The following NPR3 variants were observed in gnomAD, a reference collection of about 807,000 sequenced individuals.
NPR3 encodes natriuretic peptide receptor 3.
NPR3 carries 34 observed loss-of-function variants against 54.5 expected under a neutral mutation model. That is an observed-to-expected ratio of 0.62 (90% CI 0.47 to 0.83). The LOEUF is 0.83. Ranked by LOEUF, NPR3 falls within the 40% of genes least tolerant of loss-of-function variation. The pLI, the probability that NPR3 is intolerant of heterozygous loss-of-function variation, is 0.00. For missense variants in NPR3, 674 were observed against 720.8 expected (o/e 0.94, Z 0.74); for synonymous variants, 289 against 297.1 (o/e 0.97, Z 0.28).
At chr5:32,774,385 CAG>C (rs1377999981) in intron 3 of NPR3, among the ~76,000 whole-genome samples, 3 of 152,126 alleles carry the variant, frequency 2.0e-5, no homozygotes, top group Non-Finnish European at 4.4e-5. Flanking sequence ...GAGATAGAGG[CAG>C]ATGTGGGGAA....
intron 1 of NPR3, among the ~76,000 whole-genome samples, chr5:32,723,752 G>T (rs774425948): frequency 1.3e-5 from 2 of 152,030 alleles, no homozygotes; most frequent in East Asian, 1.9e-4. Context: ...ATAAAGAACT[G>T]GTCTGTAAAA....
chr5:32,695,690 G>T (rs1192909085), intron 1 of NPR3, among the ~76,000 whole-genome samples: 1 of 152,104 alleles, frequency 6.6e-6, no homozygotes, highest in African/African-American at 2.4e-5. Context: ...ATTTGTTATT[G>T]CCTGGCTTTT....
intron 3 of NPR3, among the ~76,000 whole-genome samples, chr5:32,739,403 A>G (rs529256512): frequency 3.3e-4 from 50 of 152,204 alleles, no homozygotes; most frequent in African/African-American, 1.1e-3. Context: ...GGGGTGCCAA[A>G]GATTTGCATG....
At chr5:32,699,793 T>A (rs1232989703) in intron 1 of NPR3, among the ~76,000 whole-genome samples, 3 of 152,220 alleles carry the variant, frequency 2.0e-5, no homozygotes, top group African/African-American at 7.2e-5. Flanking sequence ...AATAGGGAGT[T>A]TTGTACCTTC....
In NPR3 at chr5:32,739,002, A is replaced by C; in HGVS notation, c.1031A>C (p.Glu344Ala). 1 of 1,613,946 alleles carries C rather than the reference A, an allele frequency of 6.2e-7. No individual in the cohort carries two copies. Among genetic ancestry groups the C allele is most frequent in the Non-Finnish European group, 8.5e-7 (1 of 1,179,868 alleles). ...TCCATGGAGGTGAAAAGTTCAGTTGAGAAACAAGGGCTCAATATGGAGGAT... is the reference window on the plus strand; with the variant it reads ...TCCATGGAGGTGAAAAGTTCAGTTGCGAAACAAGGGCTCAATATGGAGGAT... ...KFSMEVKSSV[E>A]KQGLNMEDYV... The change falls in exon 3 of 8, where the codon GAG becomes GCG. Residue 344 changes from glutamate (E) to alanine (A), a missense_variant. By Grantham distance (107) the Glu-to-Ala change is moderately radical (BLOSUM62 -1). Transcript: ENST00000265074.
chr5:32,727,342 G>C (rs1001271870), intron 2 of NPR3, among the ~76,000 whole-genome samples: 8 of 152,124 alleles, frequency 5.3e-5, no homozygotes, highest in Non-Finnish European at 1.0e-4. Context: ...TGCCCAGGCT[G>C]GGCTCGAACT....
chr5:32,776,291 T>C (rs13436831), intron 4 of NPR3, among the ~76,000 whole-genome samples: 34,406 of 152,170 alleles, frequency 0.23, 4,000 homozygotes, highest in South Asian at 0.31. Flanking sequence ...TATGGCTGTA[T>C]AGGAATTTCT....
At chr5:32,716,516 T>C (rs1738559980) in intron 1 of NPR3, 4 of 442,478 alleles carry the variant, frequency 9.0e-6, no homozygotes, top group African/African-American at 2.0e-5. Flanking sequence ...TTTTTCTCAG[T>C]AGGCTGAGGC....
chr5:32,726,907 G>C (rs1446122496), intron 2 of NPR3, among the ~76,000 whole-genome samples: 1 of 151,960 alleles, frequency 6.6e-6, no homozygotes, highest in Non-Finnish European at 1.5e-5. Context: ...TACTATTTAT[G>C]GTATGGCTAC....
chr5:32,753,845 C>A (rs1331933743), intron 3 of NPR3, among the ~76,000 whole-genome samples: 1 of 152,108 alleles, frequency 6.6e-6, no homozygotes, highest in Non-Finnish European at 1.5e-5. Flanking sequence ...ATAAGAGAGC[C>A]CTGCTCATGA....
rs1268716759 is a variant in NPR3, at chr5:32,763,832, A to G, written c.1060-10876A>G. Among the ~76,000 whole-genome samples, 4 of 152,142 alleles carry G rather than the reference A, an allele frequency of 2.6e-5. No homozygotes were observed. The East Asian group carries it at 7.7e-4, about 29-fold the overall frequency. On this transcript the variant is annotated intron_variant, in intron 3 of 7. Coordinates refer to ENST00000265074, the MANE Select transcript of NPR3 (RefSeq NM_001204375.2). ...ATGTTATAAAGATTGTATTCAGAGT[A>G]TTTATTTGAAGTCTTAATTTTTGTT...
At chr5:32,729,088 G>T (rs1265409836) in intron 2 of NPR3, among the ~76,000 whole-genome samples, 5 of 137,790 alleles carry the variant, frequency 3.6e-5, no homozygotes, top group Non-Finnish European at 7.8e-5. Flanking sequence ...GGAGTGCAGT[G>T]GCGGGATCTC....
At chr5:32,704,963 GTT>G (rs1165533247), upstream of NPR3, among the ~76,000 whole-genome samples, 1 of 152,150 alleles carries the variant, frequency 6.6e-6, no homozygotes. Context: ...TCTTCAAAAA[GTT>G]TGTGGAATAT....
At chr5:32,732,173 G>A (rs1009483134) in intron 2 of NPR3, among the ~76,000 whole-genome samples, 2 of 148,744 alleles carry the variant, frequency 1.3e-5, no homozygotes, top group South Asian at 2.1e-4. Flanking sequence ...CCCGGGAAGC[G>A]GAGCTTGCAG....
upstream of NPR3, among the ~76,000 whole-genome samples, chr5:32,708,758 C>T (rs567625842): frequency 4.6e-5 from 7 of 152,244 alleles, no homozygotes; most frequent in Admixed American, 2.0e-4. Flanking sequence ...TAAACAAACC[C>T]GTAACTTTGA....
chr5:32,695,350 C>T (rs1201328385), intron 1 of NPR3, among the ~76,000 whole-genome samples: 1 of 152,178 alleles, frequency 6.6e-6, no homozygotes, highest in Admixed American at 6.5e-5. Context: ...CTGCAAGCTC[C>T]GCCTGCTGGG....
At chr5:32,784,040 A>G (rs1742479446) in intron 6 of NPR3, among the ~76,000 whole-genome samples, 4 of 152,230 alleles carry the variant, frequency 2.6e-5, no homozygotes, top group Admixed American at 1.3e-4. Flanking sequence ...TTTGACATGA[A>G]ACGCTGGCTT....
intron 3 of NPR3, among the ~76,000 whole-genome samples, chr5:32,745,407 A>AAGGGCATCTTAATGGTGGTGCC (rs1262849178): frequency 6.6e-6 from 1 of 152,168 alleles, no homozygotes; most frequent in East Asian, 1.9e-4. Flanking sequence ...GCCCTCACTC[A>AAGGGCATCTTAATGGTGGTGCC]AGGGCATCTT....
intron 1 of NPR3, among the ~76,000 whole-genome samples, chr5:32,722,968 A>G (rs1195384288): frequency 6.6e-6 from 1 of 152,184 alleles, no homozygotes; most frequent in Non-Finnish European, 1.5e-5. Flanking sequence ...TTTATGCTGT[A>G]CACCGAGCCC....
Sources: gnomAD v4.1 joint callset for allele counts (sites outside exome capture counted in the v4.1 genomes callset) on GRCh38, gnomAD v4.1.1 for gene constraint, MANE v1.5 for transcripts, NCBI Gene and HGNC (gene_info 2026-07-23, HGNC 2026-07-21) for gene names.